Variants in ADAMTS17 observed in about 807,000 individuals in gnomAD.
ADAMTS17 encodes ADAM metallopeptidase with thrombospondin type 1 motif 17.
ADAMTS17 carries 113 observed loss-of-function variants against 141.5 expected under a neutral mutation model. That is an observed-to-expected ratio of 0.80 (90% CI 0.69 to 0.93). The LOEUF (loss-of-function observed/expected upper bound fraction) is 0.93, where lower values mean the gene tolerates loss of function less well. Ranked by LOEUF, ADAMTS17 falls within the 40% of genes least tolerant of loss-of-function variation. ADAMTS17 has a pLI of 0.00. For missense variants in ADAMTS17, 1,659 were observed against 1,517.9 expected, an observed-to-expected ratio of 1.09 and a Z score of -1.54; for synonymous variants, 768 against 630.6, an observed-to-expected ratio of 1.22 and a Z score of -3.27.
intron 3 of ADAMTS17, among the ~76,000 whole-genome samples, chr15:100,316,311 G>GT (rs138620272): frequency 3.4e-4 from 52 of 152,204 alleles, no homozygotes; most frequent in Non-Finnish European, 6.9e-4. Flanking sequence ...TTTTTTACAG[G>GT]TTTTCTTGCC....
In ADAMTS17 at chr15:100,119,043, T is replaced by TACACACACACACACACACACACAC. The variant is rs60655404; in HGVS notation, c.1722-2031_1722-2030insGTGTGTGTGTGTGTGTGTGTGTGT. Among the ~76,000 whole-genome samples the TACACACACACACACACACACACAC allele has an allele frequency of 1.3e-3, 190 of 148,684 alleles. 2 individuals carry two copies. The highest frequency in any genetic ancestry group is 3.5e-3 in the Middle Eastern group (1 of 286). On this transcript the variant is annotated intron_variant, in intron 12 of 21. Coordinates refer to ENST00000268070, the MANE Select transcript of ADAMTS17 (RefSeq NM_139057.4). Reference sequence around the variant, plus strand: ...CTTATGAAAAGGGGACATCTGGAGATACACACACACACACACACAGAGACA... The same window carrying TACACACACACACACACACACACAC: ...CTTATGAAAAGGGGACATCTGGAGATACACACACACACACACACACACACACACACACACACACACACAGAGACA...
chr15:100,283,761 G>A lies in ADAMTS17; in HGVS notation c.617-2360C>T, dbSNP rs186412428. Among the ~76,000 whole-genome samples the A allele has an allele frequency of 9.5e-4, 144 of 152,324 alleles. 1 individual carries two copies. The highest frequency in any genetic ancestry group is 3.9e-3 in the Admixed American group (60 of 15,308). Reference sequence around the variant, plus strand: ...GAGAGCTCTCTAAGAAAAGTAGCCTGTCACTCCCAGACCAGAGGGACAGGT... The same window carrying A: ...GAGAGCTCTCTAAGAAAAGTAGCCTATCACTCCCAGACCAGAGGGACAGGT... On this transcript the variant is annotated intron_variant, in intron 3 of 21. Coordinates refer to ENST00000268070, the MANE Select transcript of ADAMTS17 (RefSeq NM_139057.4).
At chr15:100,341,757 G>C (rs1596562814) in intron 1 of ADAMTS17, 64 bp downstream of exon 1, 2 of 1,510,132 alleles carry the variant, frequency 1.3e-6, no homozygotes, top group South Asian at 2.5e-5. Flanking sequence ...AGGACGCCGC[G>C]AGAACGCAGA....
At chr15:100,040,850 T>C (rs543111970) in intron 18 of ADAMTS17, among the ~76,000 whole-genome samples, 43 of 152,272 alleles carry the variant, frequency 2.8e-4, no homozygotes, top group African/African-American at 1.0e-3. Flanking sequence ...AAATTTCTCC[T>C]CCCCACTCAC....
intron 15 of ADAMTS17, among the ~76,000 whole-genome samples, chr15:100,054,349 G>C (rs1035020446): frequency 3.3e-5 from 5 of 152,220 alleles, no homozygotes; most frequent in African/African-American, 1.2e-4. Context: ...TGGGGTTAGG[G>C]GTGGAGGGGC....
At chr15:99,978,816 GA>G (rs1390162927) in intron 20 of ADAMTS17, 3 of 152,210 alleles carry the variant, frequency 2.0e-5, no homozygotes, top group African/African-American at 7.2e-5. Context: ...TCCGATGGTG[GA>G]GGGGGTCCCA....
intron 18 of ADAMTS17, among the ~76,000 whole-genome samples, chr15:100,022,118 T>C (rs1421890015): frequency 6.6e-6 from 1 of 152,200 alleles, no homozygotes; most frequent in Non-Finnish European, 1.5e-5. Flanking sequence ...AGTTTTTCCA[T>C]CTGTGAAATG....
intron 12 of ADAMTS17, among the ~76,000 whole-genome samples, chr15:100,125,950 G>A (rs892778068): frequency 3.3e-5 from 5 of 152,172 alleles, no homozygotes; most frequent in African/African-American, 1.2e-4. Context: ...GAAGGGGGTC[G>A]TGGGAGCGTT....
intron 3 of ADAMTS17, among the ~76,000 whole-genome samples, chr15:100,284,182 T>C (rs562954051): frequency 1.3e-5 from 2 of 152,308 alleles, no homozygotes; most frequent in African/African-American, 4.8e-5. Context: ...AAGAAAAACT[T>C]ATAAGACCTG....
At chr15:100,023,260 G>A (rs939622015) in intron 18 of ADAMTS17, among the ~76,000 whole-genome samples, 3 of 151,626 alleles carry the variant, frequency 2.0e-5, no homozygotes, top group African/African-American at 7.3e-5. Flanking sequence ...AAAGTGCAGT[G>A]GTGTGATCTT....
rs28666663 is a variant in ADAMTS17, at chr15:100,047,305, G to A, written c.2591+1552C>T. 2.2e-3 allele frequency among the ~76,000 whole-genome samples: 288 copies of A among 130,872 alleles called. 3 individuals carry two copies. Among genetic ancestry groups the A allele is most frequent in the African/African-American group, 7.1e-3 (211 of 29,534 alleles). 85.9% of individuals were successfully genotyped at this position (130,872 alleles called of 152,430 possible). A position where few individuals can be genotyped will look rare whatever the true frequency, so the allele number is the denominator to read the frequency against. On this transcript the variant is annotated intron_variant, in intron 18 of 21. Coordinates refer to ENST00000268070, the MANE Select transcript of ADAMTS17 (RefSeq NM_139057.4). The stretch of plus-strand genomic sequence containing the variant: ...CCCGGTCCTGTGGTCCTGTGATCTC[G>A]CCCTGCCTCCATTTGCCTTGTGATA...
intron 21 of ADAMTS17, 134 bp downstream of exon 21, chr15:99,975,911 C>T: frequency 2.9e-6 from 3 of 1,030,864 alleles, no homozygotes; most frequent in Non-Finnish European, 4.2e-6. Flanking sequence ...ACAGAACTGA[C>T]AAATGTCAGC....
intron 15 of ADAMTS17, among the ~76,000 whole-genome samples, chr15:100,090,411 A>G (rs1039047756): frequency 2.6e-5 from 4 of 152,228 alleles, no homozygotes; most frequent in Non-Finnish European, 5.9e-5. Context: ...GATCTGCAGA[A>G]TCCGACAGAG....
chr15:100,214,878 T>G (rs1243208057), intron 7 of ADAMTS17, among the ~76,000 whole-genome samples: 2 of 152,298 alleles, frequency 1.3e-5, no homozygotes, highest in East Asian at 1.9e-4. Flanking sequence ...CATGAAAGAG[T>G]AAAGCTTTGC....
intron 7 of ADAMTS17, among the ~76,000 whole-genome samples, chr15:100,218,526 A>C (rs1478551398): frequency 2.6e-5 from 4 of 152,352 alleles, no homozygotes; most frequent in African/African-American, 4.8e-5. Flanking sequence ...AAACCACAAT[A>C]AGATACTACT....
chr15:100,273,657 C>A (rs555248381), intron 4 of ADAMTS17, among the ~76,000 whole-genome samples: 5 of 152,186 alleles, frequency 3.3e-5, no homozygotes, highest in East Asian at 1.9e-4. Context: ...TTCATTGGCT[C>A]TATTGTTTTT....
chr15:100,175,394 A>G (rs1178200019), intron 8 of ADAMTS17, among the ~76,000 whole-genome samples: 1 of 152,134 alleles, frequency 6.6e-6, no homozygotes, highest in Admixed American at 6.5e-5. Flanking sequence ...GGAGGTCGGC[A>G]TGATTTCACC....
intron 8 of ADAMTS17, among the ~76,000 whole-genome samples, chr15:100,188,361 G>C (rs1397362702): frequency 1.3e-5 from 2 of 151,484 alleles, no homozygotes; most frequent in Admixed American, 6.6e-5. Flanking sequence ...TTAGGCATGA[G>C]CTACCACGCC....
chr15:100,164,978 G>C (rs887495816), intron 8 of ADAMTS17, among the ~76,000 whole-genome samples: 9 of 152,162 alleles, frequency 5.9e-5, no homozygotes, highest in African/African-American at 2.2e-4. Flanking sequence ...TGGTGGCCTA[G>C]GGCACAGCCT....
Sources: allele counts gnomAD v4.1 joint callset (sites outside exome capture counted in the v4.1 genomes callset), GRCh38; gene constraint gnomAD v4.1.1; transcripts MANE v1.5; gene names NCBI Gene and HGNC (gene_info 2026-07-23, HGNC 2026-07-21).